Variants in ATP11A observed in about 807,000 individuals in gnomAD.
ATP11A encodes phospholipid-transporting ATPase IH.
ATP11A carries 81 observed loss-of-function variants against 154.4 expected under a neutral mutation model. That is an observed-to-expected ratio of 0.52 (90% CI 0.44 to 0.63). The LOEUF (loss-of-function observed/expected upper bound fraction) is 0.63. ATP11A is among the 30% of genes least tolerant of loss of function. The pLI is 0.00. For missense variants in ATP11A, 1,316 were observed against 1,474.3 expected, an observed-to-expected ratio of 0.89 and a Z score of 1.76; for synonymous variants, 623 against 585.9, an observed-to-expected ratio of 1.06 and a Z score of -0.91.
Position 112,850,914 on chromosome 13 carries a change from A to G in ATP11A, c.1810-123A>G. ...GTTTACTTAGTACTGTAAGTTTTGA[A>G]AGGGTTACAATTCTTGGGTTAGTTA... is the stretch of plus-strand genomic sequence containing the variant. On this transcript the variant is annotated intron_variant, in intron 17 of 29. Transcript: ENST00000375645. 3.5e-6 allele frequency: 3 copies of G among 851,336 alleles called. No homozygotes were observed. In the East Asian group the frequency reaches 7.3e-5, roughly 21 times the overall value. The allele number at this position is 851,336 out of a possible 1,614,324, so 52.7% of individuals were successfully genotyped here.
At chr13:112,789,568 C>T (rs2077776169) in intron 2 of ATP11A, among the ~76,000 whole-genome samples, 3 of 149,192 alleles carry the variant, frequency 2.0e-5, no homozygotes, top group Non-Finnish European at 4.4e-5. Context: ...TGGATACCTA[C>T]TTAATTCACA....
chr13:112,824,498 C>T, intron 10 of ATP11A, 73 bp downstream of exon 10: 2 of 1,426,998 alleles, frequency 1.4e-6, no homozygotes, highest in Admixed American at 3.4e-5. Context: ...AAGTAGCTTC[C>T]TCTTGGCCTT....
At chr13:112,775,712 G>GCC (rs5806964) in intron 1 of ATP11A, among the ~76,000 whole-genome samples, 2,898 of 151,502 alleles carry the variant, frequency 0.019, 40 homozygotes, top group South Asian at 0.046. Flanking sequence ...ATTTCATAAT[G>GCC]CCCCCCCCGC....
At chr13:112,847,268 C>T (rs759692081) in intron 17 of ATP11A, among the ~76,000 whole-genome samples, 3 of 152,202 alleles carry the variant, frequency 2.0e-5, no homozygotes, top group Non-Finnish European at 4.4e-5. Context: ...GTGTGTCCTT[C>T]GAGTCCAGTT....
chr13:112,712,160 C>T (rs1176631925), intron 1 of ATP11A, among the ~76,000 whole-genome samples: 2 of 152,202 alleles, frequency 1.3e-5, no homozygotes, highest in African/African-American at 2.4e-5. Context: ...GAGTGACACA[C>T]GCTATGCTGC....
At chr13:112,858,520 C>G (rs1190236724) in intron 22 of ATP11A, 6 of 454,276 alleles carry the variant, frequency 1.3e-5, no homozygotes, top group African/African-American at 1.2e-4. Context: ...ATATCAAACG[C>G]AAAATTGCAG....
In ATP11A at chr13:112,792,143, C is replaced by T. The variant is rs185744403; in HGVS notation, c.162+6886C>T. Among the ~76,000 whole-genome samples, 26 of 152,322 alleles carry T rather than the reference C, an allele frequency of 1.7e-4. No individual in the cohort carries two copies. In the East Asian group the frequency reaches 3.9e-3, roughly 23 times the overall value. On this transcript the variant is annotated intron_variant, in intron 2 of 29. Transcript: ENST00000375645. ...GTTGTGTAATTTCAAGGGAAAATTA[C>T]ATCCGGCAATACCTCTTTTGCTAAT...
intron 1 of ATP11A, among the ~76,000 whole-genome samples, chr13:112,777,941 G>A (rs542119505): frequency 5.9e-5 from 9 of 152,350 alleles, no homozygotes; most frequent in Admixed American, 5.9e-4. Flanking sequence ...ATGGCACCCT[G>A]CACGGAGAGG....
intron 6 of ATP11A, 66 bp from the exon 7 acceptor site, chr13:112,819,237 AG>A: frequency 2.2e-6 from 3 of 1,342,428 alleles, no homozygotes; most frequent in Non-Finnish European, 3.2e-6. Flanking sequence ...ACTTGGTTGG[AG>A]GCACCAGCGT....
At chr13:112,848,528 G>T (rs1471947154) in intron 17 of ATP11A, among the ~76,000 whole-genome samples, 2 of 152,154 alleles carry the variant, frequency 1.3e-5, no homozygotes, top group Non-Finnish European at 2.9e-5. Flanking sequence ...CCTTTCTAAT[G>T]TGGAAACTTT....
intron 1 of ATP11A, among the ~76,000 whole-genome samples, chr13:112,759,114 C>A (rs1381500093): frequency 6.6e-6 from 1 of 152,142 alleles, no homozygotes; most frequent in Non-Finnish European, 1.5e-5. Context: ...TTCCCCTGTC[C>A]CCTCTTATCC....
intron 1 of ATP11A, among the ~76,000 whole-genome samples, chr13:112,782,347 C>T (rs148828536): frequency 6.8e-4 from 103 of 152,298 alleles, no homozygotes; most frequent in African/African-American, 2.3e-3. Context: ...CGTGGCCACT[C>T]CTGAAATTCA....
chr13:112,806,148 C>A, intron 3 of ATP11A, 65 bp from the exon 4 acceptor site: 1 of 1,326,402 alleles, frequency 7.5e-7, no homozygotes, highest in Non-Finnish European at 1.1e-6. Flanking sequence ...TCAGGGCAAA[C>A]TAACCTGCCT....
chr13:112,739,423 C>G (rs1000901352), intron 1 of ATP11A, among the ~76,000 whole-genome samples: 4 of 152,172 alleles, frequency 2.6e-5, no homozygotes, highest in Admixed American at 2.6e-4. Flanking sequence ...AAACTTTATG[C>G]TTCATACCCA....
At chr13:112,858,850 T>C (rs1337463116) in intron 22 of ATP11A, 1 of 160,974 alleles carries the variant, frequency 6.2e-6, no homozygotes, top group Non-Finnish European at 1.4e-5. Flanking sequence ...GCACCTACTT[T>C]ATAAATTAAA....
In ATP11A at chr13:112,807,362, A is replaced by T. The variant is rs747788182; in HGVS notation, c.333+1069A>T. 6.6e-6 allele frequency among the ~76,000 whole-genome samples: 1 copy of T among 152,258 alleles called. No homozygotes were observed. Among genetic ancestry groups the T allele is most frequent in the Non-Finnish European group, 1.5e-5 (1 of 68,038 alleles). ...CCGGGATACGTGAACTAGGATATTC[A>T]TGGTGGCTGTCATTGATTAGCAAAG... On this transcript the variant is annotated intron_variant, in intron 4 of 29. Transcript: ENST00000375645. The surrounding 1 kb of genome is among the most constrained non-coding windows in gnomAD (Gnocchi z 4.5).
rs536866922 is a variant in ATP11A, at chr13:112,877,283, G to A, written c.3328-934G>A. On this transcript the variant is annotated intron_variant, in intron 28 of 29. Coordinates refer to ENST00000375645, the MANE Select transcript of ATP11A (RefSeq NM_015205.3). ...CCCAGTGCTTCAGGGGAAACTCACC[G>A]GCCCCAAGCAGCCACTCACTGCCCA... Among the ~76,000 whole-genome samples, 12 of 152,332 alleles carry A rather than the reference G, an allele frequency of 7.9e-5. No individual in the cohort carries two copies. In the South Asian group the frequency reaches 1.0e-3, roughly 13 times the overall value.
At chr13:112,841,827 C>T (rs574638693) in intron 16 of ATP11A, among the ~76,000 whole-genome samples, 2 of 152,376 alleles carry the variant, frequency 1.3e-5, no homozygotes, top group South Asian at 2.1e-4. Flanking sequence ...ATGACGCAAA[C>T]GTTTCCCCTG....
intron 4 of ATP11A, among the ~76,000 whole-genome samples, chr13:112,809,264 G>A (rs1257178868): frequency 6.6e-6 from 1 of 152,236 alleles, no homozygotes; most frequent in East Asian, 1.9e-4. Context: ...TCTCTGAAAA[G>A]CAATCAGATG....
Sources: gnomAD v4.1 joint callset for allele counts (sites outside exome capture counted in the v4.1 genomes callset) on GRCh38, gnomAD v4.1.1 for gene constraint, Gnocchi (gnomAD v3.1) non-coding constraint, MANE v1.5 for transcripts, NCBI Gene and HGNC (gene_info 2026-07-23, HGNC 2026-07-21) for gene names.